ZNF407: variants seen among roughly 807,000 people sequenced by gnomAD.
ZNF407 encodes zinc finger protein 407.
ZNF407 carries 17 observed loss-of-function variants against 131.2 expected under a neutral mutation model. The observed-to-expected ratio is 0.13, with a 90% confidence interval of 0.09 to 0.19. The LOEUF (loss-of-function observed/expected upper bound fraction) is 0.19. Ranked by LOEUF, ZNF407 falls within the 10% of genes least tolerant of loss-of-function variation. The probability of loss-of-function intolerance (pLI) is 1.00; values close to 1 mark genes in which losing one functional copy is unlikely to be tolerated. For synonymous variants in ZNF407, 1,156 were observed against 1,062.0 expected, an observed-to-expected ratio of 1.09 and a Z score of -1.72; for missense variants, 2,681 against 2,830.6, an observed-to-expected ratio of 0.95 and a Z score of 1.20.
chr18:74,799,943 C>A (rs1304326456), intron 4 of ZNF407, among the ~76,000 whole-genome samples: 2 of 132,366 alleles, frequency 1.5e-5, no homozygotes, highest in African/African-American at 5.8e-5. Flanking sequence ...TAGCCAAAGT[C>A]TACCAATGCC....
intron 3 of ZNF407, among the ~76,000 whole-genome samples, chr18:74,774,752 T>C (rs1969432621): frequency 6.6e-6 from 1 of 152,196 alleles, no homozygotes; most frequent in African/African-American, 2.4e-5. Context: ...TTATAGACTG[T>C]GTAGTAGATA....
chr18:74,784,385 C>T (rs1969665122), intron 4 of ZNF407, among the ~76,000 whole-genome samples: 1 of 152,102 alleles, frequency 6.6e-6, no homozygotes, highest in African/African-American at 2.4e-5. Context: ...CTGATATATG[C>T]AAAAATTATA....
intron 2 of ZNF407, among the ~76,000 whole-genome samples, chr18:74,639,091 G>A (rs1037715483): frequency 3.3e-5 from 5 of 152,164 alleles, no homozygotes; most frequent in African/African-American, 1.2e-4. Flanking sequence ...TTGTCAGCAT[G>A]CTGTGCTGTG....
intron 3 of ZNF407, among the ~76,000 whole-genome samples, chr18:74,727,427 T>A (rs893400630): frequency 1.3e-5 from 2 of 152,092 alleles, no homozygotes; most frequent in African/African-American, 2.4e-5. Context: ...GTTTTTTGGG[T>A]TTTGTGAAGA....
At chr18:74,739,190 A>G (rs1968490929) in intron 3 of ZNF407, among the ~76,000 whole-genome samples, 1 of 151,322 alleles carries the variant, frequency 6.6e-6, no homozygotes, top group South Asian at 2.1e-4. Context: ...AAATTTATAT[A>G]TATTAGAATT....
intron 4 of ZNF407, among the ~76,000 whole-genome samples, chr18:74,798,435 A>G (rs1219424033): frequency 6.6e-6 from 1 of 152,050 alleles, no homozygotes; most frequent in Non-Finnish European, 1.5e-5. Flanking sequence ...AACCAATTCT[A>G]TTTTTTTACC....
chr18:74,808,514 A>T (rs1448642470), intron 4 of ZNF407, among the ~76,000 whole-genome samples: 1 of 152,212 alleles, frequency 6.6e-6, no homozygotes, highest in African/African-American at 2.4e-5. Flanking sequence ...TTTAAATTTC[A>T]ATTTTTGTGT....
At chr18:74,685,357 C>T (rs1162468810) in intron 3 of ZNF407, among the ~76,000 whole-genome samples, 7 of 152,188 alleles carry the variant, frequency 4.6e-5, no homozygotes, top group Non-Finnish European at 1.0e-4. Flanking sequence ...AGCCCAGCTG[C>T]TCACCATCTA....
chr18:74,799,422 C>T (rs757508466), intron 4 of ZNF407, among the ~76,000 whole-genome samples: 1 of 152,072 alleles, frequency 6.6e-6, no homozygotes, highest in Non-Finnish European at 1.5e-5. Flanking sequence ...ATTCAGATTT[C>T]ATTCATTCAA....
At chr18:75,023,689 T>C in intron 8 of ZNF407, among the ~76,000 whole-genome samples, 1 of 152,174 alleles carries the variant, frequency 6.6e-6, no homozygotes, top group East Asian at 1.9e-4. Context: ...CTAATTATAG[T>C]TGTGAATCGT....
At chr18:75,043,918 T>C (rs1973402556) in intron 8 of ZNF407, among the ~76,000 whole-genome samples, 1 of 152,224 alleles carries the variant, frequency 6.6e-6, no homozygotes, top group African/African-American at 2.4e-5. Flanking sequence ...TGATAGAGTT[T>C]TCTAAATTGC....
At chr18:74,980,494 A>G (rs924726547) in intron 8 of ZNF407, among the ~76,000 whole-genome samples, 2 of 151,968 alleles carry the variant, frequency 1.3e-5, no homozygotes, top group African/African-American at 4.8e-5. Flanking sequence ...TAATAGAGAC[A>G]GGGTTTCACC....
At chr18:74,971,787 T>C (rs1390557691) in intron 8 of ZNF407, among the ~76,000 whole-genome samples, 1 of 152,204 alleles carries the variant, frequency 6.6e-6, no homozygotes, top group African/African-American at 2.4e-5. Context: ...TTCAGTATCT[T>C]TTCAGCAACA....
At chr18:74,752,820 C>G (rs1017260026) in intron 3 of ZNF407, among the ~76,000 whole-genome samples, 11 of 152,158 alleles carry the variant, frequency 7.2e-5, no homozygotes, top group African/African-American at 2.7e-4. Context: ...ATGCCTCCAG[C>G]TTTGTTCTTT....
At chr18:74,930,937 T>A (rs78802785) in intron 8 of ZNF407, among the ~76,000 whole-genome samples, 4,027 of 152,292 alleles carry the variant, frequency 0.026, 192 homozygotes, top group African/African-American at 0.091. Context: ...TGTGGACTCA[T>A]TGCTTCTGTG....
chr18:74,734,352 C>T (rs557607572), intron 3 of ZNF407, among the ~76,000 whole-genome samples: 5 of 152,234 alleles, frequency 3.3e-5, no homozygotes, highest in African/African-American at 9.6e-5. Context: ...AATCGGCTCA[C>T]GAATACTGTT....
intron 1 of ZNF407, among the ~76,000 whole-genome samples, chr18:74,617,855 GC>G (rs1426045164): frequency 6.7e-6 from 1 of 150,240 alleles, no homozygotes; most frequent in East Asian, 1.9e-4. Flanking sequence ...AATCTAAAAC[GC>G]CCCCCCTAGA....
chr18:74,996,090 G>A (rs1417775385), intron 8 of ZNF407, among the ~76,000 whole-genome samples: 1 of 152,162 alleles, frequency 6.6e-6, no homozygotes, highest in African/African-American at 2.4e-5. Context: ...ATAGTGTTCA[G>A]TATTGAAATG....
chr18:74,620,416 A>G (rs1233816823), intron 1 of ZNF407, among the ~76,000 whole-genome samples: 1 of 152,158 alleles, frequency 6.6e-6, no homozygotes, highest in Non-Finnish European at 1.5e-5. Context: ...TTTAGCCACT[A>G]TGGCTTGATC....
Sources: allele counts gnomAD v4.1 joint callset (sites outside exome capture counted in the v4.1 genomes callset), GRCh38; gene constraint gnomAD v4.1.1; transcripts MANE v1.5; gene names NCBI Gene and HGNC (gene_info 2026-07-23, HGNC 2026-07-21).